Variants in RGSL1 observed in about 807,000 individuals in gnomAD.
RGSL1 encodes regulator of G protein signaling like 1.
Under a neutral mutation model 124.7 loss-of-function variants are expected in RGSL1, and 97 were observed. The observed-to-expected ratio is 0.78, with a 90% confidence interval of 0.66 to 0.92. RGSL1 has a LOEUF of 0.92. Among genes scored for constraint, RGSL1 ranks in the 40% least tolerant of loss-of-function variants. The pLI is 0.00. For missense variants in RGSL1, 1,233 were observed against 1,288.4 expected (o/e 0.96, Z 0.66); for synonymous variants, 424 against 438.1 (o/e 0.97, Z 0.40).
At chr1:182,508,679 T>G (rs1362931175) in intron 9 of RGSL1, among the ~76,000 whole-genome samples, 7 of 144,818 alleles carry the variant, frequency 4.8e-5, no homozygotes, top group South Asian at 4.2e-4. Context: ...TTTGTTTTTT[T>G]TTTTTTTTTT....
Position 182,473,631 on chromosome 1 carries a change from A to T in RGSL1, c.520A>T (p.Ile174Phe). The change falls in exon 6 of 22, where the codon ATC becomes TTC. Residue 174 changes from isoleucine (I) to phenylalanine (F), a missense_variant. Ile to Phe is a conservative substitution (Grantham distance 21, BLOSUM62 0). Coordinates refer to ENST00000294854, the MANE Select transcript of RGSL1 (RefSeq NM_001137669.2). ...CAACCAATCAACCACTAGGAGGGAG[A>T]TCCTGAGCCACATGCAGAAAGTGGC... ...HPNQSTTRREILSHMQKVALF... is the reference protein window; with the variant it reads ...HPNQSTTRREFLSHMQKVALF... 5.2e-6 allele frequency: 8 copies of T among 1,551,468 alleles called. No individual in the cohort carries two copies. Among genetic ancestry groups the T allele is most frequent in the Non-Finnish European group, 7.0e-6 (8 of 1,146,858 alleles).
chr1:182,504,793 T>C (rs1300568996), intron 9 of RGSL1, among the ~76,000 whole-genome samples: 1 of 152,100 alleles, frequency 6.6e-6, no homozygotes, highest in Non-Finnish European at 1.5e-5. Context: ...AAGAATAAAA[T>C]AAATTACCGG....
At chr1:182,531,471 A>G (rs1010574907) in intron 13 of RGSL1, among the ~76,000 whole-genome samples, 1 of 152,216 alleles carries the variant, frequency 6.6e-6, no homozygotes, top group African/African-American at 2.4e-5. Context: ...ACAAAAAAAT[A>G]CATGCCCCCT....
rs1025446113 is a variant in RGSL1 at position 182,524,738 on chromosome 1, G to A, written c.1931+2629G>A. Among the ~76,000 whole-genome samples, 7 of 152,170 alleles carry A rather than the reference G, an allele frequency of 4.6e-5. 1 individual carries two copies. Among genetic ancestry groups the A allele is most frequent in the Admixed American group, 3.9e-4 (6 of 15,278 alleles). Reference sequence around the variant, plus strand: ...TTTGAAGCTCCACAAAAAAGCCAATGACCAGGAGCACTGTCAAAACCGATA... The same window carrying A: ...TTTGAAGCTCCACAAAAAAGCCAATAACCAGGAGCACTGTCAAAACCGATA... On this transcript the variant is annotated intron_variant, in intron 10 of 21. Coordinates refer to ENST00000294854, the MANE Select transcript of RGSL1 (RefSeq NM_001137669.2).
At chr1:182,555,696 A>G (rs964668896) in intron 20 of RGSL1, 11 of 302,434 alleles carry the variant, frequency 3.6e-5, no homozygotes, top group Non-Finnish European at 6.8e-5. Flanking sequence ...CTTGCCAGCC[A>G]AGTCACTTCT....
At chr1:182,497,021 G>A (rs1291268007) in intron 9 of RGSL1, among the ~76,000 whole-genome samples, 1 of 152,090 alleles carries the variant, frequency 6.6e-6, no homozygotes, top group Non-Finnish European at 1.5e-5. Context: ...TGATACATGT[G>A]ATACAATGTA....
At chr1:182,451,088 G>A (rs1163088526) in intron 1 of RGSL1, among the ~76,000 whole-genome samples, 2 of 147,368 alleles carry the variant, frequency 1.4e-5, no homozygotes, top group Non-Finnish European at 3.0e-5. Flanking sequence ...AGAGTCTGCA[G>A]TGAGTTGAGA....
chr1:182,516,757 C>A (rs888334143), intron 9 of RGSL1, among the ~76,000 whole-genome samples: 2 of 152,044 alleles, frequency 1.3e-5, no homozygotes, highest in African/African-American at 4.8e-5. Context: ...CCACCCCTCC[C>A]ACAGTTTGAC....
intron 9 of RGSL1, among the ~76,000 whole-genome samples, chr1:182,515,330 C>G (rs1028673347): frequency 6.6e-6 from 1 of 152,078 alleles, no homozygotes; most frequent in Non-Finnish European, 1.5e-5. Flanking sequence ...GCTTTGAATC[C>G]TTCAGATCTG....
chr1:182,522,216 CT>C, intron 10 of RGSL1, 107 bp downstream of exon 10: 2 of 750,086 alleles, frequency 2.7e-6, no homozygotes, highest in Non-Finnish European at 4.5e-6. Flanking sequence ...TTTTCAGACC[CT>C]TTTCCATATA....
In RGSL1 at chr1:182,556,131, A is replaced by G; in HGVS notation, c.*74A>G. 5.0e-6 allele frequency: 7 copies of G among 1,403,358 alleles called. No homozygotes were observed. The highest frequency in any genetic ancestry group is 5.9e-6 in the Non-Finnish European group (6 of 1,022,468). The allele number at this position is 1,403,358 out of a possible 1,614,324, so 86.9% of individuals were successfully genotyped here. A position where few individuals can be genotyped will look rare whatever the true frequency, so the allele number is the denominator to read the frequency against. ...ACACTGACAGAAACTTTTCTGGTCAAAAATGAAAGGTCCTGGTACCATCTT... is the reference window on the plus strand; with the variant it reads ...ACACTGACAGAAACTTTTCTGGTCAGAAATGAAAGGTCCTGGTACCATCTT... On this transcript the variant is annotated 3_prime_UTR_variant, in exon 21 of 22. Transcript: ENST00000294854.
At chr1:182,486,203 T>G (rs1655083791) in intron 6 of RGSL1, among the ~76,000 whole-genome samples, 1 of 152,204 alleles carries the variant, frequency 6.6e-6, no homozygotes, top group African/African-American at 2.4e-5. Flanking sequence ...TTCATGACTA[T>G]TATTTTAATG....
intron 15 of RGSL1, among the ~76,000 whole-genome samples, chr1:182,547,816 A>G (rs266536): frequency 1 from 151,547 of 152,270 alleles, 75,418 homozygotes; most frequent in Non-Finnish European, 1. Context: ...AGCCGAGATC[A>G]CACCACTGCA....
intron 14 of RGSL1, among the ~76,000 whole-genome samples, chr1:182,539,352 A>G (rs1659743556): frequency 6.6e-6 from 1 of 152,172 alleles, no homozygotes; most frequent in Non-Finnish European, 1.5e-5. Context: ...CTTATTCAGT[A>G]TGGTAACCCT....
At chr1:182,497,485 GA>G (rs1260120693) in intron 9 of RGSL1, among the ~76,000 whole-genome samples, 2 of 151,284 alleles carry the variant, frequency 1.3e-5, no homozygotes, top group South Asian at 2.1e-4. Context: ...AAAAGTACAG[GA>G]AAAAAATCCT....
chr1:182,520,341 C>T (rs1324115089), intron 9 of RGSL1, among the ~76,000 whole-genome samples: 1 of 152,120 alleles, frequency 6.6e-6, no homozygotes. Flanking sequence ...CTCCTTTTGC[C>T]CCCTTCTGTC....
chr1:182,491,363 C>T (rs2102104906), intron 8 of RGSL1, among the ~76,000 whole-genome samples: 1 of 152,058 alleles, frequency 6.6e-6, no homozygotes, highest in South Asian at 2.1e-4. Flanking sequence ...TTACAGGCAC[C>T]CGCCACCATG....
chr1:182,536,726 G>A (rs1001573517), intron 14 of RGSL1, among the ~76,000 whole-genome samples: 6 of 152,158 alleles, frequency 3.9e-5, no homozygotes, highest in Non-Finnish European at 5.9e-5. Flanking sequence ...CACATCTTAC[G>A]TGGATGGCGG....
chr1:182,473,341 C>G (rs1019833934), intron 5 of RGSL1, among the ~76,000 whole-genome samples: 3 of 152,118 alleles, frequency 2.0e-5, no homozygotes, highest in African/African-American at 7.2e-5. Flanking sequence ...CTAGAGGAAT[C>G]CCATAGCATG....
Sources: allele counts gnomAD v4.1 joint callset (sites outside exome capture counted in the v4.1 genomes callset), GRCh38; gene constraint gnomAD v4.1.1; transcripts MANE v1.5; gene names NCBI Gene and HGNC (gene_info 2026-07-23, HGNC 2026-07-21).